NUP133: variants seen among roughly 807,000 people sequenced by gnomAD.
NUP133 encodes nucleoporin 133.
A neutral mutation model predicts 146.2 loss-of-function variants in NUP133; 66 were observed. That is an observed-to-expected ratio of 0.45 (90% CI 0.37 to 0.55). The LOEUF is 0.55. Ranked by LOEUF, NUP133 falls within the 20% of genes least tolerant of loss-of-function variation. NUP133 has a pLI of 0.00. For missense variants in NUP133, 1,277 were observed against 1,374.8 expected (o/e 0.93, Z 1.12); for synonymous variants, 521 against 498.8 (o/e 1.04, Z -0.59).
rs1007657164 is a variant in NUP133, at chr1:229,460,612, T to C, written c.2843A>G (p.Lys948Arg). ...LHEINSQELE[K>R]AHATLLGLAN... is the part of the protein sequence containing the mutation. ...GCTCCATAGAAAAATCCTTCTTACCTTTTCTAATTCTTGGCTATTAATTTC... is the reference window on the plus strand; with the variant it reads ...GCTCCATAGAAAAATCCTTCTTACCCTTTCTAATTCTTGGCTATTAATTTC... Residue 948 changes from lysine (K) to arginine (R), a missense_variant and splice_region_variant, in exon 20 of 26, where the codon AAG becomes AGG. This residue lies in a region of NUP133 where 952 missense variants were observed against 1,047.0 expected (regional missense o/e 0.91). Transcript: ENST00000261396. The C allele has an allele frequency of 6.2e-7, 1 of 1,611,758 alleles. No individual in the cohort carries two copies. Among genetic ancestry groups the C allele is most frequent in the Admixed American group, 1.7e-5 (1 of 59,498 alleles).
At chr1:229,479,848 G>C (rs1403740147) in intron 12 of NUP133, among the ~76,000 whole-genome samples, 1 of 152,308 alleles carries the variant, frequency 6.6e-6, no homozygotes, top group East Asian at 1.9e-4. Context: ...TGAGAATGTA[G>C]ACATCCTTTC....
At chr1:229,506,516 A>C (rs1661943243) in intron 1 of NUP133, among the ~76,000 whole-genome samples, 1 of 150,800 alleles carries the variant, frequency 6.6e-6, no homozygotes, top group Non-Finnish European at 1.5e-5. Flanking sequence ...AAGACAGAAT[A>C]TAAAACATCA....
intron 10 of NUP133, among the ~76,000 whole-genome samples, chr1:229,487,102 A>T (rs1016825920): frequency 2.0e-5 from 3 of 152,004 alleles, no homozygotes; most frequent in African/African-American, 7.3e-5. Flanking sequence ...CCCCTGCATA[A>T]GTCCAGCACC....
At chr1:229,500,194 C>G (rs1056651059) in intron 4 of NUP133, among the ~76,000 whole-genome samples, 4 of 152,028 alleles carry the variant, frequency 2.6e-5, no homozygotes, top group Admixed American at 1.3e-4. Context: ...TTGTCTTTGG[C>G]AAAGCAACGC....
intron 12 of NUP133, among the ~76,000 whole-genome samples, chr1:229,480,857 T>TG (rs1305253676): frequency 6.6e-6 from 1 of 151,482 alleles, no homozygotes; most frequent in African/African-American, 2.4e-5. Context: ...CAGCTATTTT[T>TG]TTTTTTTTTT....
At chr1:229,465,039 C>A (rs1387119268) in intron 17 of NUP133, among the ~76,000 whole-genome samples, 164 bp from the exon 18 acceptor site, 3 of 152,196 alleles carry the variant, frequency 2.0e-5, no homozygotes, top group African/African-American at 7.2e-5. Context: ...CCCATCTTCT[C>A]CAAGGAGATT....
At chr1:229,453,374 C>G (rs770229039) in intron 21 of NUP133, among the ~76,000 whole-genome samples, 3 of 152,182 alleles carry the variant, frequency 2.0e-5, no homozygotes, top group African/African-American at 7.2e-5. Context: ...TGTAATGTCA[C>G]GACTTTCCTA....
intron 21 of NUP133, among the ~76,000 whole-genome samples, chr1:229,456,105 T>C (rs1231268036): frequency 6.6e-6 from 1 of 152,196 alleles, no homozygotes; most frequent in East Asian, 1.9e-4. Flanking sequence ...TCTCTTGTAA[T>C]TAGAATAAGG....
intron 20 of NUP133, among the ~76,000 whole-genome samples, chr1:229,459,781 G>A (rs1660651415): frequency 1.3e-5 from 2 of 152,122 alleles, no homozygotes; most frequent in African/African-American, 4.8e-5. Context: ...CACTTAGGTG[G>A]ATTCCATAAC....
intron 21 of NUP133, among the ~76,000 whole-genome samples, chr1:229,454,180 C>T (rs1259340846): frequency 6.6e-6 from 1 of 152,164 alleles, no homozygotes; most frequent in Non-Finnish European, 1.5e-5. Flanking sequence ...CAAGGGTTAT[C>T]TCCATTGGAT....
chr1:229,502,119 G>A lies in NUP133; in HGVS notation c.302-17C>T, dbSNP rs1254034938. 6.4e-7 allele frequency: 1 copy of A among 1,567,016 alleles called. No individual in the cohort carries two copies. On this transcript the variant is annotated splice_polypyrimidine_tract_variant and intron_variant, in intron 2 of 25. Coordinates refer to ENST00000261396, the MANE Select transcript of NUP133 (RefSeq NM_018230.3). ...GGTCATCGACTAAAGGAAAAAATGA[G>A]GTGGGTGATTAATCTTATAGTATAA... is the stretch of plus-strand genomic sequence containing the variant.
chr1:229,483,752 T>C (rs1276133343), intron 12 of NUP133, among the ~76,000 whole-genome samples: 2 of 150,350 alleles, frequency 1.3e-5, no homozygotes, highest in African/African-American at 4.9e-5. Context: ...CACCTTAACG[T>C]TATACGTAAA....
At position 229,499,146 on chromosome 1, in the gene NUP133, C is replaced by T. The variant is rs376127645; in HGVS notation, c.648+538G>A. 11 of 467,026 alleles carry T rather than the reference C, an allele frequency of 2.4e-5. 2 individuals carry two copies. The highest frequency in any genetic ancestry group is 1.9e-4 in the Admixed American group (8 of 42,514). 28.9% of individuals were successfully genotyped at this position (467,026 alleles called of 1,614,324 possible). ...AACTCCTGGCCTCAGGCAATCCTTC[C>T]GCTTCAGCCATTCAAAGTGGTGAGA... On this transcript the variant is annotated intron_variant, in intron 5 of 25. Transcript: ENST00000261396.
At chr1:229,449,874 T>TA (rs1491123491) in intron 23 of NUP133, among the ~76,000 whole-genome samples, 20,822 of 77,030 alleles carry the variant, frequency 0.27, 2,606 homozygotes, top group African/African-American at 0.39. Flanking sequence ...TATATATATA[T>TA]TTTTTTTTTT....
intron 11 of NUP133, among the ~76,000 whole-genome samples, chr1:229,484,579 T>C (rs991495174): frequency 6.6e-6 from 1 of 152,202 alleles, no homozygotes; most frequent in African/African-American, 2.4e-5. Context: ...TCAGGGATTA[T>C]GTTGTAAGTA....
In NUP133 at chr1:229,449,869, ATATATT is replaced by A. The variant is rs1396987458; in HGVS notation, c.3180+650_3180+655del. Among the ~76,000 whole-genome samples, 122 of 102,426 alleles carry A rather than the reference ATATATT, an allele frequency of 1.2e-3. 1 individual carries two copies. Among genetic ancestry groups the A allele is most frequent in the African/African-American group, 4.5e-3 (102 of 22,448 alleles). The allele number at this position is 102,426 out of a possible 152,430, so 67.2% of individuals were successfully genotyped here. On this transcript the variant is annotated intron_variant, in intron 23 of 25. Transcript: ENST00000261396. ...GAAGATTTTATATATATATATATAT[ATATATT>A]TTTTTTTTTTTTTTTTTTTTTTTTG...
In NUP133 at chr1:229,465,514, C is replaced by T. The variant is rs751466155; in HGVS notation, c.2205G>A (p.Met735Ile). Residue 735 changes from methionine (M) to isoleucine (I), a missense_variant, in exon 17 of 26, where the codon ATG becomes ATA. This residue lies in a region of NUP133 where 952 missense variants were observed against 1,047.0 expected (regional missense o/e 0.91). Transcript: ENST00000261396. ...VINVNNILKD[M>I]LQAASHYRQN... ...GGCGATAATGACTAGCAGCCTGCAG[C>T]ATATCCTGGAAAAAAAGTTAATGTG... 6.2e-7 allele frequency: 1 copy of T among 1,612,200 alleles called. No individual in the cohort carries two copies. The highest frequency in any genetic ancestry group is 2.2e-5 in the East Asian group (1 of 44,864).
chr1:229,454,831 A>AC (rs1175871009), intron 21 of NUP133, among the ~76,000 whole-genome samples: 2 of 152,174 alleles, frequency 1.3e-5, no homozygotes, highest in Non-Finnish European at 2.9e-5. Context: ...ATATAAACAC[A>AC]CTTTTTTTAG....
At chr1:229,492,983 G>GTC (rs762428198) in intron 8 of NUP133, among the ~76,000 whole-genome samples, 29 of 152,128 alleles carry the variant, frequency 1.9e-4, no homozygotes, top group Middle Eastern at 3.4e-3. Flanking sequence ...TGTTGGCAGT[G>GTC]TCTCTCTCTC....
Sources: gnomAD v4.1 joint callset for allele counts (sites outside exome capture counted in the v4.1 genomes callset) on GRCh38, gnomAD v4.1.1 for gene constraint, gnomAD v4.1.1 regional missense constraint, MANE v1.5 for transcripts, NCBI Gene and HGNC (gene_info 2026-07-23, HGNC 2026-07-21) for gene names.